The following OR6C2 variants were observed in gnomAD, a reference collection of about 807,000 sequenced individuals.
OR6C2 encodes olfactory receptor 6C2.
For missense variants in OR6C2, 435 were observed against 365.8 expected (o/e 1.19, Z -1.54); for synonymous variants, 146 against 134.2 (o/e 1.09, Z -0.61).
At chr12:55,444,246 C>T (rs1871326402) in intron 1 of OR6C2, 87 bp downstream of exon 1, 1 of 152,180 alleles carries the variant, frequency 6.6e-6, no homozygotes, top group South Asian at 2.1e-4. Context: ...CTAGTTTAAG[C>T]TTGTTTCAAA....
rs1331613454 is a variant in OR6C2, at chr12:55,451,342, C to T, written c.-872C>T. ...TACTTCCCAGCCTCTGGTAAACATC[C>T]TTCTACTCTCTATGTCTATGAGTTC... On this transcript the variant is annotated 5_prime_UTR_variant, in exon 2 of 2. Transcript: ENST00000641202. 6.6e-6 allele frequency: 1 copy of T among 151,956 alleles called. No individual in the cohort carries two copies. The highest frequency in any genetic ancestry group is 1.5e-5 in the Non-Finnish European group (1 of 67,944). 9.4% of individuals were successfully genotyped at this position (151,956 alleles called of 1,614,324 possible). A position where few individuals can be genotyped will look rare whatever the true frequency, so the allele number is the denominator to read the frequency against.
chr12:55,449,734 T>A (rs1435751557), intron 1 of OR6C2, among the ~76,000 whole-genome samples: 1 of 151,146 alleles, frequency 6.6e-6, no homozygotes, highest in South Asian at 2.1e-4. Flanking sequence ...GAAAAAAAAA[T>A]TCTAAGTTCT....
At chr12:55,449,805 G>A (rs10783743) in intron 1 of OR6C2, among the ~76,000 whole-genome samples, 116,637 of 151,730 alleles carry the variant, frequency 0.77, 44,989 homozygotes, top group East Asian at 0.9. Flanking sequence ...ACAATAGCAT[G>A]TAAGGAATTA....
chr12:55,450,619 A>AG (rs1231258903), intron 1 of OR6C2, among the ~76,000 whole-genome samples: 2 of 152,106 alleles, frequency 1.3e-5, no homozygotes, highest in African/African-American at 4.8e-5. Context: ...AATGCTTTTT[A>AG]CCTGATCTTT....
intron 1 of OR6C2, among the ~76,000 whole-genome samples, chr12:55,445,817 G>A (rs976704947): frequency 5.3e-5 from 8 of 152,108 alleles, no homozygotes; most frequent in South Asian, 2.1e-4. Flanking sequence ...TGTCAAGGGC[G>A]GGCAACAAAC....
chr12:55,448,655 A>AAAAAG (rs1555179350), intron 1 of OR6C2, among the ~76,000 whole-genome samples: 2 of 147,326 alleles, frequency 1.4e-5, no homozygotes, highest in Non-Finnish European at 3.0e-5. Context: ...AAAAAAAAAA[A>AAAAAG]AAAAGAAAGA....
At chr12:55,451,181 T>C (rs1002687715) in intron 1 of OR6C2, 146 bp from the exon 2 acceptor site, 1 of 152,042 alleles carries the variant, frequency 6.6e-6, no homozygotes, top group Admixed American at 6.6e-5. Context: ...AATTCAGTTA[T>C]ATTATTTGTT....
chr12:55,446,032 A>G (rs1215041709), intron 1 of OR6C2, among the ~76,000 whole-genome samples: 1 of 152,250 alleles, frequency 6.6e-6, no homozygotes, highest in Non-Finnish European at 1.5e-5. Context: ...AGAATTATAC[A>G]CACTAAATAA....
Position 55,452,891 on chromosome 12 carries a change from C to G in OR6C2, c.678C>G (p.Phe226Leu). The G allele has an allele frequency of 2.5e-6, 4 of 1,613,812 alleles. No individual in the cohort carries two copies. Among genetic ancestry groups the G allele is most frequent in the Non-Finnish European group, 3.4e-6 (4 of 1,179,812 alleles). Reference protein sequence around the residue: ...YLYIVRTILKFPSVQQRKKAF... With the variant: ...YLYIVRTILKLPSVQQRKKAF... ...ACATAGTCAGAACAATTCTGAAGTTCCCTTCTGTTCAGCAAAGGAAAAAGG... is the reference window on the plus strand; with the variant it reads ...ACATAGTCAGAACAATTCTGAAGTTGCCTTCTGTTCAGCAAAGGAAAAAGG... Residue 226 changes from phenylalanine (F) to leucine (L), a missense_variant, in exon 2 of 2, where the codon TTC (phenylalanine) becomes TTG (leucine). Physicochemically the swap from Phe to Leu is conservative, Grantham distance 22. Transcript: ENST00000641202.
chr12:55,449,724 G>GA (rs566636397), intron 1 of OR6C2, among the ~76,000 whole-genome samples: 5 of 149,968 alleles, frequency 3.3e-5, no homozygotes, highest in African/African-American at 2.4e-5. Flanking sequence ...TGGAAAAAAG[G>GA]AAAAAAAAAT....
rs1871466527 is a variant in OR6C2 at position 55,451,372 on chromosome 12, G to T, written c.-842G>T. 6.6e-6 allele frequency: 1 copy of T among 151,794 alleles called. No individual in the cohort carries two copies. The highest frequency in any genetic ancestry group is 1.5e-5 in the Non-Finnish European group (1 of 67,910). 9.4% of individuals were successfully genotyped at this position (151,794 alleles called of 1,614,324 possible). On this transcript the variant is annotated 5_prime_UTR_variant, in exon 2 of 2. Transcript: ENST00000641202. ...ACTCTCTATGTCTATGAGTTCAACT[G>T]ATTTGATTTTCAGATGTCACGAATA...
chr12:55,452,791 T>C lies in OR6C2; in HGVS notation c.578T>C (p.Ile193Thr), dbSNP rs1039217402. Residue 193 changes from isoleucine to threonine, a missense_variant, in exon 2 of 2, where the codon ATA becomes ACA. By Grantham distance (89) the Ile-to-Thr change is moderately conservative. Transcript: ENST00000641202. ...LKISCSDTWV[I>T]EQMVILMAVF... ...ATCTCATGCTCAGATACATGGGTAA[T>C]AGAACAGATGGTTATACTTATGGCT... is the stretch of plus-strand genomic sequence containing the variant. 6.2e-7 allele frequency: 1 copy of C among 1,613,856 alleles called. No individual in the cohort carries two copies. The highest frequency in any genetic ancestry group is 8.5e-7 in the Non-Finnish European group (1 of 1,179,804).
chr12:55,451,555 T>C lies in OR6C2; in HGVS notation c.-659T>C, dbSNP rs746887493. ...CATCAAATGAAAGCCTATGAGAATATTCATTTTGTAAAAACCTTGAACACA... is the reference window on the plus strand; with the variant it reads ...CATCAAATGAAAGCCTATGAGAATACTCATTTTGTAAAAACCTTGAACACA... On this transcript the variant is annotated 5_prime_UTR_variant, in exon 2 of 2. Transcript: ENST00000641202. 4 of 152,200 alleles carry C rather than the reference T, an allele frequency of 2.6e-5. No homozygotes were observed. The highest frequency in any genetic ancestry group is 3.9e-4 in the East Asian group (2 of 5,182). The allele number at this position is 152,200 out of a possible 1,614,324, so 9.4% of individuals were successfully genotyped here. A position where few individuals can be genotyped will look rare whatever the true frequency, so the allele number is the denominator to read the frequency against.
At chr12:55,446,329 A>C (rs980642175) in intron 1 of OR6C2, among the ~76,000 whole-genome samples, 2 of 152,006 alleles carry the variant, frequency 1.3e-5, no homozygotes, top group African/African-American at 4.8e-5. Context: ...TTGTATTTTT[A>C]GTAGAGATGG....
At chr12:55,450,701 C>CA (rs984856300) in intron 1 of OR6C2, among the ~76,000 whole-genome samples, 1 of 151,910 alleles carries the variant, frequency 6.6e-6, no homozygotes, top group African/African-American at 2.4e-5. Context: ...AAACAGAAAA[C>CA]AAGAAGCAGG....
rs142594604 is a variant in OR6C2 at position 55,453,146 on chromosome 12, G to C, written c.933G>C (p.Lys311Asn). ...DSIKRIAFLS[K>N]K Reference sequence around the variant, plus strand: ...TAAAGAGGATTGCATTTCTCTCAAAGAAGTAGAAGCTGTGATGAATTGGCA... The same window carrying C: ...TAAAGAGGATTGCATTTCTCTCAAACAAGTAGAAGCTGTGATGAATTGGCA... Residue 311 changes from lysine to asparagine, a missense_variant, in exon 2 of 2, where the codon AAG (lysine) becomes AAC (asparagine). Lys to Asn is a moderately conservative substitution (Grantham distance 94, BLOSUM62 0). Coordinates refer to ENST00000641202, the MANE Select transcript of OR6C2 (RefSeq NM_054105.2). The C allele has an allele frequency of 1.9e-6, 3 of 1,608,714 alleles. No individual in the cohort carries two copies. The highest frequency in any genetic ancestry group is 2.7e-5 in the African/African-American group (2 of 74,468).
In OR6C2 at chr12:55,452,494, C is replaced by T. The variant is rs745933518; in HGVS notation, c.281C>T (p.Ala94Val). 15 of 1,613,788 alleles carry T rather than the reference C, an allele frequency of 9.3e-6. No homozygotes were observed. Among genetic ancestry groups the T allele is most frequent in the African/African-American group, 2.7e-5 (2 of 74,900 alleles). ...GGGGACAATACCATTACCTACAATG[C>T]TTGTGCCAGTCAAATATTCTTTGTT... is the stretch of plus-strand genomic sequence containing the variant. ...SMGDNTITYNACASQIFFVIL... is the reference protein window; with the variant it reads ...SMGDNTITYNVCASQIFFVIL... Residue 94 changes from alanine to valine, a missense_variant, in exon 2 of 2, where the codon GCT becomes GTT. Transcript: ENST00000641202.
intron 1 of OR6C2, among the ~76,000 whole-genome samples, chr12:55,446,962 AGAAC>A (rs1871374439): frequency 6.6e-6 from 1 of 152,184 alleles, no homozygotes; most frequent in African/African-American, 2.4e-5. Flanking sequence ...TAAGACCGTC[AGAAC>A]AAGTATTCTA....
chr12:55,445,214 A>G (rs969547147), intron 1 of OR6C2, among the ~76,000 whole-genome samples: 8 of 152,142 alleles, frequency 5.3e-5, no homozygotes, highest in African/African-American at 1.9e-4. Flanking sequence ...CATTCTCATT[A>G]TGCCAGATTC....
Sources: allele counts gnomAD v4.1 joint callset (sites outside exome capture counted in the v4.1 genomes callset), GRCh38; gene constraint gnomAD v4.1.1; transcripts MANE v1.5; gene names NCBI Gene and HGNC (gene_info 2026-07-23, HGNC 2026-07-21).